Variants in CNTLN observed in about 807,000 individuals in gnomAD.
CNTLN encodes centlein, also known as centlein, centrosomal protein.
CNTLN carries 212 observed loss-of-function variants against 180.0 expected under a neutral mutation model. The observed-to-expected ratio is 1.18, with a 90% confidence interval of 1.05 to 1.32. The LOEUF is 1.32. CNTLN is among the 40% of genes most tolerant of loss of function. CNTLN has a pLI of 0.00. For synonymous variants in CNTLN, 722 were observed against 563.1 expected (o/e 1.28, Z -3.99); for missense variants, 2,095 against 1,610.9 (o/e 1.30, Z -5.14).
intron 2 of CNTLN, among the ~76,000 whole-genome samples, chr9:17,189,084 T>TTTG: frequency 7.5e-6 from 1 of 132,664 alleles, no homozygotes; most frequent in East Asian, 2.1e-4. Flanking sequence ...TTTTTTTTTT[T>TTTG]TTTTTTTTTT....
intron 2 of CNTLN, among the ~76,000 whole-genome samples, chr9:17,207,108 T>A (rs978029571): frequency 5.9e-5 from 9 of 152,216 alleles, no homozygotes; most frequent in African/African-American, 2.2e-4. Context: ...TGCTTCCCAG[T>A]CTGATGGTGA....
intron 5 of CNTLN, among the ~76,000 whole-genome samples, chr9:17,250,245 T>C (rs1342696025): frequency 6.6e-6 from 1 of 152,090 alleles, no homozygotes; most frequent in Non-Finnish European, 1.5e-5. Context: ...TTTAACTTGT[T>C]TGTATCTTTG....
intron 12 of CNTLN, among the ~76,000 whole-genome samples, chr9:17,359,662 A>G (rs147541030): frequency 3.4e-5 from 5 of 146,686 alleles, no homozygotes; most frequent in African/African-American, 1.3e-4. Flanking sequence ...CGGGTGGATC[A>G]CGAGGTCCGG....
intron 2 of CNTLN, among the ~76,000 whole-genome samples, chr9:17,216,157 G>A (rs992683973): frequency 6.6e-6 from 1 of 152,154 alleles, no homozygotes; most frequent in Non-Finnish European, 1.5e-5. Context: ...TCTTGGAGCT[G>A]TAGACTGGAG....
chr9:17,493,794 T>G (rs528612559), intron 25 of CNTLN, among the ~76,000 whole-genome samples: 187 of 152,326 alleles, frequency 1.2e-3, no homozygotes, highest in Admixed American at 2.2e-3. Flanking sequence ...AATAGGAAAC[T>G]CAGTAACTGC....
intron 18 of CNTLN, among the ~76,000 whole-genome samples, chr9:17,443,050 C>T (rs936742542): frequency 3.3e-5 from 5 of 152,036 alleles, no homozygotes; most frequent in African/African-American, 1.2e-4. Context: ...TACCAAAAAC[C>T]TGAACTAGCC....
Position 17,333,134 on chromosome 9 carries a change from C to G in CNTLN, c.1644+404C>G, listed in dbSNP as rs1281842614. 3.3e-5 allele frequency among the ~76,000 whole-genome samples: 5 copies of G among 151,996 alleles called. No individual in the cohort carries two copies. The East Asian group carries it at 5.8e-4, about 18-fold the overall frequency. Reference sequence around the variant, plus strand: ...CTAGCTCAGATCACTTACAATTATCCTTTATAGAAAAATTACATTTAGTCA... The same window carrying G: ...CTAGCTCAGATCACTTACAATTATCGTTTATAGAAAAATTACATTTAGTCA... On this transcript the variant is annotated intron_variant, in intron 10 of 25. Transcript: ENST00000380647.
intron 18 of CNTLN, chr9:17,448,137 G>T: frequency 4.8e-6 from 1 of 207,240 alleles, no homozygotes; most frequent in South Asian, 9.9e-5. Context: ...TTCCAACCAT[G>T]GTGTTTTAAC....
At chr9:17,154,202 C>A (rs556352962) in intron 2 of CNTLN, among the ~76,000 whole-genome samples, 1 of 152,142 alleles carries the variant, frequency 6.6e-6, no homozygotes, top group South Asian at 2.1e-4. Flanking sequence ...CCCTTGCTGG[C>A]GAGGAGTTGT....
At chr9:17,398,071 A>G (rs193228527) in intron 15 of CNTLN, among the ~76,000 whole-genome samples, 10 of 152,220 alleles carry the variant, frequency 6.6e-5, no homozygotes, top group African/African-American at 2.4e-4. Flanking sequence ...TCATATGATT[A>G]TCACCTTCTC....
At chr9:17,176,286 T>C (rs1227688848) in intron 2 of CNTLN, among the ~76,000 whole-genome samples, 2 of 141,926 alleles carry the variant, frequency 1.4e-5, no homozygotes, top group Non-Finnish European at 3.0e-5. Context: ...TTGCTGATAA[T>C]TTTTTTTTTA....
At chr9:17,175,894 T>C (rs1820689382) in intron 2 of CNTLN, among the ~76,000 whole-genome samples, 1 of 152,156 alleles carries the variant, frequency 6.6e-6, no homozygotes, top group African/African-American at 2.4e-5. Flanking sequence ...ACTGTATTTT[T>C]ATGTTTAGTG....
chr9:17,156,059 A>C (rs751073102), intron 2 of CNTLN, among the ~76,000 whole-genome samples: 1 of 152,172 alleles, frequency 6.6e-6, no homozygotes, highest in Non-Finnish European at 1.5e-5. Flanking sequence ...TGTGGGCTGC[A>C]CCCACTGTTC....
At chr9:17,410,815 A>C (rs553940634) in intron 16 of CNTLN, among the ~76,000 whole-genome samples, 1 of 152,102 alleles carries the variant, frequency 6.6e-6, no homozygotes. Context: ...TGCCACCTTT[A>C]TTGTAAATCC....
chr9:17,308,922 A>C (rs1294506924), intron 7 of CNTLN, 136 bp from the exon 8 acceptor site: 1 of 405,214 alleles, frequency 2.5e-6, no homozygotes, highest in Non-Finnish European at 4.4e-6. Context: ...TTTCTCTCTG[A>C]GACTATTAAA....
intron 12 of CNTLN, among the ~76,000 whole-genome samples, chr9:17,359,636 CTT>C (rs959988129): frequency 1.8e-4 from 26 of 147,652 alleles, no homozygotes; most frequent in Non-Finnish European, 3.3e-4. Flanking sequence ...AATCCCAGCA[CTT>C]TGGGAGGCCG....
Position 17,335,638 on chromosome 9 carries a change from C to T in CNTLN, c.1644+2908C>T, listed in dbSNP as rs78364402. On this transcript the variant is annotated intron_variant, in intron 10 of 25. Transcript: ENST00000380647. ...AATGTTTCATTCATTCATACTTGTT[C>T]GTACACAGAAAGAGCCTTGCCAGGC... 2.5e-4 allele frequency among the ~76,000 whole-genome samples: 38 copies of T among 152,092 alleles called. No homozygotes were observed. The East Asian group carries it at 4.1e-3, about 16-fold the overall frequency.
intron 6 of CNTLN, among the ~76,000 whole-genome samples, chr9:17,288,424 C>G (rs1020900461): frequency 7.0e-6 from 1 of 142,234 alleles, no homozygotes; most frequent in Non-Finnish European, 1.5e-5. Flanking sequence ...AACTTTACTT[C>G]CCAGTATGTG....
intron 15 of CNTLN, among the ~76,000 whole-genome samples, chr9:17,396,617 T>G (rs1035622787): frequency 3.9e-5 from 6 of 152,154 alleles, no homozygotes; most frequent in Non-Finnish European, 5.9e-5. Flanking sequence ...GAACTGAAAA[T>G]TACCTTAAAA....
Sources: gnomAD v4.1 joint callset for allele counts (sites outside exome capture counted in the v4.1 genomes callset) on GRCh38, gnomAD v4.1.1 for gene constraint, MANE v1.5 for transcripts, NCBI Gene and HGNC (gene_info 2026-07-23, HGNC 2026-07-21) for gene names.